CSMD3: variants seen among roughly 807,000 people sequenced by gnomAD.
The protein encoded by CSMD3 is CUB and sushi domain-containing protein 3.
CSMD3 carries 177 observed loss-of-function variants against 435.2 expected under a neutral mutation model. The observed-to-expected ratio is 0.41, with a 90% CI of 0.36 to 0.46. The LOEUF (loss-of-function observed/expected upper bound fraction) is 0.46, where lower values mean the gene tolerates loss of function less well. Ranked by LOEUF, CSMD3 falls within the 20% of genes least tolerant of loss-of-function variation. The probability of loss-of-function intolerance (pLI) is 0.34; values close to 1 mark genes in which losing one functional copy is unlikely to be tolerated. For missense variants in CSMD3, 4,265 were observed against 4,504.6 expected, an observed-to-expected ratio of 0.95 and a Z score of 1.52; for synonymous variants, 1,656 against 1,520.5, an observed-to-expected ratio of 1.09 and a Z score of -2.07.
At chr8:112,752,540 G>A (rs1455165513) in intron 13 of CSMD3, among the ~76,000 whole-genome samples, 1 of 152,096 alleles carries the variant, frequency 6.6e-6, no homozygotes, top group African/African-American at 2.4e-5. Context: ...AAGGGTAGAG[G>A]ATACAATATC....
At chr8:112,907,925 C>T (rs2130504714) in intron 10 of CSMD3, among the ~76,000 whole-genome samples, 2 of 151,418 alleles carry the variant, frequency 1.3e-5, no homozygotes, top group Admixed American at 1.3e-4. Flanking sequence ...ATTATTGAAA[C>T]AACACAGCCC....
intron 30 of CSMD3, among the ~76,000 whole-genome samples, chr8:112,499,797 G>A (rs1385357674): frequency 6.6e-6 from 1 of 152,064 alleles, no homozygotes; most frequent in Non-Finnish European, 1.5e-5. Flanking sequence ...ATGAAAATGT[G>A]TAGATCCAAG....
intron 10 of CSMD3, among the ~76,000 whole-genome samples, chr8:112,887,024 A>G (rs1452973751): frequency 6.6e-6 from 1 of 151,340 alleles, no homozygotes; most frequent in Middle Eastern, 3.2e-3. Context: ...TCTTGGCTCT[A>G]CTTTCAAGTT....
chr8:113,054,333 A>G (rs1393883924), intron 5 of CSMD3, among the ~76,000 whole-genome samples: 1 of 152,164 alleles, frequency 6.6e-6, no homozygotes, highest in Non-Finnish European at 1.5e-5. Flanking sequence ...CTTCAGACTC[A>G]TGACTACAAG....
chr8:112,875,587 T>C (rs564906627), intron 10 of CSMD3, among the ~76,000 whole-genome samples: 21 of 152,314 alleles, frequency 1.4e-4, no homozygotes, highest in African/African-American at 5.1e-4. Context: ...TTTCACATAG[T>C]CCCATATTTA....
intron 13 of CSMD3, among the ~76,000 whole-genome samples, chr8:112,784,554 C>T (rs769611955): frequency 2.0e-5 from 3 of 151,494 alleles, no homozygotes; most frequent in African/African-American, 7.3e-5. Flanking sequence ...ATGACTCAAA[C>T]GAATAAAATC....
At chr8:113,090,591 C>A (rs2089969761) in intron 5 of CSMD3, among the ~76,000 whole-genome samples, 1 of 152,056 alleles carries the variant, frequency 6.6e-6, no homozygotes, top group Admixed American at 6.6e-5. Flanking sequence ...TTAGAAGAGG[C>A]AAACTGCTTT....
intron 65 of CSMD3, among the ~76,000 whole-genome samples, chr8:112,242,465 C>T (rs928138115): frequency 2.0e-5 from 3 of 152,078 alleles, no homozygotes; most frequent in African/African-American, 2.4e-5. Context: ...GCAGCAAGTA[C>T]GGATATGGCT....
chr8:113,376,830 T>C, intron 1 of CSMD3: 1 of 1,613,350 alleles, frequency 6.2e-7, no homozygotes, highest in Non-Finnish European at 8.5e-7. Context: ...TGTTTATGAG[T>C]CGCAACAACC....
At chr8:112,385,211 C>T (rs1290813467) in intron 36 of CSMD3, among the ~76,000 whole-genome samples, 1 of 152,160 alleles carries the variant, frequency 6.6e-6, no homozygotes. Context: ...GCTCCCTCTC[C>T]TCATGGGCAT....
rs574900958 is a variant in CSMD3 at position 112,954,801 on chromosome 8, C to T, written c.1343-40G>A. The stretch of plus-strand genomic sequence containing the variant: ...AAACAAAAACATGTATCAGGAAATA[C>T]AATTTTAAAATGAAATTCAAGTTAA... On this transcript the variant is annotated intron_variant, in intron 7 of 70. Coordinates refer to ENST00000297405, the MANE Select transcript of CSMD3 (RefSeq NM_198123.2). 4 of 1,178,338 alleles carry T rather than the reference C, an allele frequency of 3.4e-6. No homozygotes were observed. The East Asian group carries it at 9.5e-5, about 28-fold the overall frequency. The allele number at this position is 1,178,338 out of a possible 1,614,324, so 73.0% of individuals were successfully genotyped here.
At chr8:112,292,444 T>A in intron 55 of CSMD3, 93 bp downstream of exon 55, 1 of 1,298,522 alleles carries the variant, frequency 7.7e-7, no homozygotes, top group Admixed American at 1.7e-5. Context: ...AAAAACTTTT[T>A]ACTATTCTGC....
Position 112,255,125 on chromosome 8 carries a change from A to G in CSMD3, c.10036+129T>C, listed in dbSNP as rs912366610. 2.7e-5 allele frequency: 19 copies of G among 705,948 alleles called. No individual in the cohort carries two copies. The African/African-American group carries it at 3.4e-4, about 13-fold the overall frequency. 43.7% of individuals were successfully genotyped at this position (705,948 alleles called of 1,614,324 possible). A position where few individuals can be genotyped will look rare whatever the true frequency, so the allele number is the denominator to read the frequency against. On this transcript the variant is annotated intron_variant, in intron 62 of 70. Coordinates refer to ENST00000297405, the MANE Select transcript of CSMD3 (RefSeq NM_198123.2). ...CAATATTCATTTCCAGTGCCTTCTA[A>G]TTGCTTCTATATTTTACACTTGTTT...
At chr8:113,346,526 T>A (rs1478674) in intron 1 of CSMD3, among the ~76,000 whole-genome samples, 3,367 of 152,108 alleles carry the variant, frequency 0.022, 129 homozygotes, top group African/African-American at 0.074. Context: ...AGATTTTTTT[T>A]AAAAAATGGA....
intron 35 of CSMD3, among the ~76,000 whole-genome samples, chr8:112,398,296 T>G (rs1831022175): frequency 1.3e-5 from 2 of 152,150 alleles, no homozygotes; most frequent in Admixed American, 1.3e-4. Context: ...GAGGTTATAG[T>G]CTTACTTCTG....
intron 23 of CSMD3, among the ~76,000 whole-genome samples, chr8:112,577,404 G>T (rs571079748): frequency 1.3e-5 from 2 of 152,046 alleles, no homozygotes; most frequent in African/African-American, 4.8e-5. Context: ...ATTAAATTGG[G>T]TCTGACTAGA....
intron 27 of CSMD3, among the ~76,000 whole-genome samples, chr8:112,545,501 AAATAATAATAAT>A (rs1157955064): frequency 8.2e-6 from 1 of 122,680 alleles, no homozygotes; most frequent in African/African-American, 3.1e-5. Flanking sequence ...AAAAAAAAAA[AAATAATAATAAT>A]AATAATAATA....
At chr8:112,860,314 G>T (rs188838379) in intron 10 of CSMD3, among the ~76,000 whole-genome samples, 14 of 151,838 alleles carry the variant, frequency 9.2e-5, no homozygotes, top group African/African-American at 3.1e-4. Context: ...GTTATATCTT[G>T]TGTTGATTTA....
intron 13 of CSMD3, among the ~76,000 whole-genome samples, chr8:112,719,250 A>C (rs2131959724): frequency 6.6e-6 from 1 of 152,294 alleles, no homozygotes; most frequent in Non-Finnish European, 1.5e-5. Context: ...ACTAAGTAAA[A>C]GTTATGACTA....
Sources: gnomAD v4.1 joint callset for allele counts (sites outside exome capture counted in the v4.1 genomes callset) on GRCh38, gnomAD v4.1.1 for gene constraint, MANE v1.5 for transcripts, NCBI Gene and HGNC (gene_info 2026-07-23, HGNC 2026-07-21) for gene names.